LRRC37A2: variants seen among roughly 807,000 people sequenced by gnomAD.
The protein encoded by LRRC37A2 is leucine-rich repeat-containing protein 37A2.
LRRC37A2 carries 9 observed loss-of-function variants against 68.8 expected under a neutral mutation model. The observed-to-expected ratio is 0.13, with a 90% confidence interval of 0.08 to 0.23. LRRC37A2 has a LOEUF of 0.23. Ranked by LOEUF, LRRC37A2 falls within the 10% of genes least tolerant of loss-of-function variation. The probability of loss-of-function intolerance (pLI) is 1.00; values close to 1 mark genes in which losing one functional copy is unlikely to be tolerated. For missense variants in LRRC37A2, 168 were observed against 950.4 expected (o/e 0.18, Z 10.82); for synonymous variants, 63 against 367.6 (o/e 0.17, Z 9.48).
At chr17:47,004,450 G>A in the LRRC37A2 span, among the ~76,000 whole-genome samples, 2 of 152,240 alleles carry the variant, frequency 1.3e-5, no homozygotes, top group Non-Finnish European at 2.9e-5. Context: ...GCCCTCAGGG[G>A]CCAGCAGCAG....
the LRRC37A2 span, among the ~76,000 whole-genome samples, chr17:46,479,786 T>A: frequency 1.0e-5 from 1 of 100,158 alleles, no homozygotes; most frequent in South Asian, 4.6e-4. Flanking sequence ...GGATTACAGG[T>A]GTGAGCCACC....
At chr17:46,795,588 C>G in the LRRC37A2 span, among the ~76,000 whole-genome samples, 1 of 152,350 alleles carries the variant, frequency 6.6e-6, no homozygotes, top group South Asian at 2.1e-4. Flanking sequence ...TTAAAAGCAA[C>G]CACAGGTGTC....
chr17:46,490,757 T>C, the LRRC37A2 span, among the ~76,000 whole-genome samples: 2 of 150,480 alleles, frequency 1.3e-5, no homozygotes, highest in African/African-American at 5.0e-5. Context: ...ATTTTATTTT[T>C]GCTTTTTCCC....
At chr17:46,605,500 T>C in the LRRC37A2 span, among the ~76,000 whole-genome samples, 1 of 145,758 alleles carries the variant, frequency 6.9e-6, no homozygotes, top group Non-Finnish European at 1.5e-5. Flanking sequence ...TCAACAAGTA[T>C]TTGGCTGTCA....
chr17:46,982,980 G>A, the LRRC37A2 span, among the ~76,000 whole-genome samples: 1 of 152,288 alleles, frequency 6.6e-6, no homozygotes, highest in Non-Finnish European at 1.5e-5. Context: ...GGCATCCTAA[G>A]TAATTGGTTA....
chr17:46,796,726 C>T, the LRRC37A2 span, among the ~76,000 whole-genome samples: 13 of 152,178 alleles, frequency 8.5e-5, no homozygotes, highest in South Asian at 2.1e-4. Context: ...GCAAGATGAG[C>T]GGTGCCTGAT....
chr17:46,681,656 G>T, the LRRC37A2 span, among the ~76,000 whole-genome samples: 1 of 125,166 alleles, frequency 8.0e-6, no homozygotes, highest in Non-Finnish European at 1.6e-5. Flanking sequence ...TCCCTTTATA[G>T]CAATCCTCTT....
the LRRC37A2 span, among the ~76,000 whole-genome samples, chr17:46,728,438 C>G: frequency 6.6e-6 from 1 of 151,790 alleles, no homozygotes. Flanking sequence ...TACATGAACT[C>G]AAAGTGAATA....
the LRRC37A2 span, among the ~76,000 whole-genome samples, chr17:46,819,890 G>T: frequency 6.6e-6 from 1 of 152,208 alleles, no homozygotes; most frequent in Non-Finnish European, 1.5e-5. This position sits in a 1 kb window ranked among gnomAD's most constrained non-coding sequence, Gnocchi z 5.3. Flanking sequence ...GGTCACCTGG[G>T]TGCCTTTCCC....
the LRRC37A2 span, among the ~76,000 whole-genome samples, chr17:46,919,112 T>A: frequency 6.6e-6 from 1 of 152,344 alleles, no homozygotes; most frequent in East Asian, 1.9e-4. Flanking sequence ...TAAGGTGGTG[T>A]CTTACTCATC....
chr17:46,999,042 G>C, the LRRC37A2 span, among the ~76,000 whole-genome samples: 1 of 152,182 alleles, frequency 6.6e-6, no homozygotes, highest in South Asian at 2.1e-4. Context: ...CTTGAAGCCT[G>C]ACGAGTTTTC....
At chr17:46,955,519 C>T in the LRRC37A2 span, 2 of 152,144 alleles carry the variant, frequency 1.3e-5, no homozygotes, top group African/African-American at 4.8e-5. Context: ...AAATTCTTAT[C>T]TCAACAAGAG....
At chr17:46,776,234 G>A in the LRRC37A2 span, among the ~76,000 whole-genome samples, 1 of 152,172 alleles carries the variant, frequency 6.6e-6, no homozygotes, top group Non-Finnish European at 1.5e-5. Flanking sequence ...CTTCAGGCCT[G>A]GCCCATCTGC....
the LRRC37A2 span, chr17:46,923,971 T>C: frequency 1.3e-5 from 5 of 397,898 alleles, no homozygotes; most frequent in East Asian, 3.6e-5. Flanking sequence ...TTTTATTTTT[T>C]ATTGTAAAAT....
the LRRC37A2 span, chr17:46,929,413 T>A: frequency 1.4e-6 from 1 of 736,974 alleles, no homozygotes; most frequent in Non-Finnish European, 2.5e-6. Flanking sequence ...TCAGTGATGC[T>A]GTCGATTTAA....
the LRRC37A2 span, among the ~76,000 whole-genome samples, chr17:47,020,060 G>A: frequency 1.2e-4 from 18 of 150,136 alleles, no homozygotes; most frequent in East Asian, 2.5e-3. Context: ...TTGCTTAACC[G>A]CTGCTCTCCT....
At chr17:46,494,626 C>T in the LRRC37A2 span, among the ~76,000 whole-genome samples, 1 of 151,354 alleles carries the variant, frequency 6.6e-6, no homozygotes, top group African/African-American at 2.5e-5. Flanking sequence ...CCTGACAAAC[C>T]CAAGTTCACA....
chr17:46,938,656 A>G, the LRRC37A2 span: 1 of 1,614,006 alleles, frequency 6.2e-7, no homozygotes, highest in African/African-American at 1.3e-5. Context: ...CAACACAGTG[A>G]TGCGGCTCAT....
chr17:47,010,394 C>T, the LRRC37A2 span: 2 of 152,272 alleles, frequency 1.3e-5, no homozygotes, highest in Non-Finnish European at 2.9e-5. Context: ...AGGAGTTCCC[C>T]CAAAGGTGGT....
Sources: allele counts gnomAD v4.1 joint callset (sites outside exome capture counted in the v4.1 genomes callset), GRCh38; gene constraint gnomAD v4.1.1; non-coding constraint Gnocchi (gnomAD v3.1); transcripts MANE v1.5; gene names NCBI Gene and HGNC (gene_info 2026-07-23, HGNC 2026-07-21).